Variants in PCOLCE observed in about 807,000 individuals in gnomAD.
PCOLCE encodes procollagen C-endopeptidase enhancer 1.
A neutral mutation model predicts 47.2 loss-of-function variants in PCOLCE; 33 were observed. The observed-to-expected ratio is 0.70, with a 90% CI of 0.53 to 0.93. The LOEUF is 0.93. Among genes scored for constraint, PCOLCE ranks in the 40% least tolerant of loss-of-function variants. PCOLCE has a pLI of 0.00. For missense variants in PCOLCE, 584 were observed against 585.3 expected (o/e 1.00, Z 0.02); for synonymous variants, 254 against 252.5 (o/e 1.01, Z -0.06).
chr7:100,603,863 G>A, intron 2 of PCOLCE, 96 bp from the exon 3 acceptor site: 2 of 1,445,380 alleles, frequency 1.4e-6, no homozygotes. Flanking sequence ...CATTCAGTCC[G>A]TTTCTGCAAG....
At position 100,604,645 on chromosome 7, in the gene PCOLCE, C is replaced by G. The variant is rs1802679067; in HGVS notation, c.463+428C>G. The G allele has an allele frequency of 3.1e-6, 1 of 325,048 alleles. No homozygotes were observed. Among genetic ancestry groups the G allele is most frequent in the African/African-American group, 2.2e-5 (1 of 45,272 alleles). The allele number at this position is 325,048 out of a possible 1,614,324, so 20.1% of individuals were successfully genotyped here. A position where few individuals can be genotyped will look rare whatever the true frequency, so the allele number is the denominator to read the frequency against. On this transcript the variant is annotated intron_variant, in intron 3 of 8. Transcript: ENST00000223061. This position sits in a 1 kb window ranked among gnomAD's most constrained non-coding sequence, Gnocchi z 6.4. Reference sequence around the variant, plus strand: ...GGGCTCCCGATTGCGGTCCCATCACCCCCTCCTGGCGGCAGAAGTCTCCCT... The same window carrying G: ...GGGCTCCCGATTGCGGTCCCATCACGCCCTCCTGGCGGCAGAAGTCTCCCT...
chr7:100,604,621 G>A lies in PCOLCE; in HGVS notation c.463+404G>A. 2 of 338,526 alleles carry A rather than the reference G, an allele frequency of 5.9e-6. No individual in the cohort carries two copies. Among genetic ancestry groups the A allele is most frequent in the South Asian group, 2.6e-5 (1 of 38,118 alleles). The allele number at this position is 338,526 out of a possible 1,614,324, so 21.0% of individuals were successfully genotyped here. The stretch of plus-strand genomic sequence containing the variant: ...CGGGGGGCCCCTACACCCAGCCCTG[G>A]GCTCCCGATTGCGGTCCCATCACCC... On this transcript the variant is annotated intron_variant, in intron 3 of 8. Coordinates refer to ENST00000223061, the MANE Select transcript of PCOLCE (RefSeq NM_002593.4). The surrounding 1 kb of genome is among the most constrained non-coding windows in gnomAD (Gnocchi z 6.4).
At chr7:100,607,303 G>A in intron 6 of PCOLCE, 149 bp from the exon 7 acceptor site, 1 of 661,516 alleles carries the variant, frequency 1.5e-6, no homozygotes. Flanking sequence ...GGTACTCACT[G>A]GTGCCTCCTT....
chr7:100,605,912 AC>A lies in PCOLCE; in HGVS notation c.725+104del. ...GTTCAGCTAAAGGGACGGGATCTGAACCCCAGGGCTCCAAACCGGCGAGGGG... is the reference window on the plus strand; with the variant it reads ...GTTCAGCTAAAGGGACGGGATCTGAACCCAGGGCTCCAAACCGGCGAGGGG... On this transcript the variant is annotated intron_variant, in intron 5 of 8. Coordinates refer to ENST00000223061, the MANE Select transcript of PCOLCE (RefSeq NM_002593.4). This position sits in a 1 kb window ranked among gnomAD's most constrained non-coding sequence, Gnocchi z 6.1. The A allele has an allele frequency of 1.5e-6, 2 of 1,326,626 alleles. No homozygotes were observed. Among genetic ancestry groups the A allele is most frequent in the Non-Finnish European group, 2.1e-6 (2 of 973,422 alleles). The allele number at this position is 1,326,626 out of a possible 1,614,324, so 82.2% of individuals were successfully genotyped here.
intron 5 of PCOLCE, 199 bp downstream of exon 5, chr7:100,606,011 G>A: frequency 1.6e-6 from 1 of 624,672 alleles, no homozygotes. Context: ...GGCGACTGGG[G>A]CTCTGCGAAG....
At chr7:100,606,864 G>A (rs1361902878) in intron 6 of PCOLCE, among the ~76,000 whole-genome samples, 1 of 152,172 alleles carries the variant, frequency 6.6e-6, no homozygotes, top group Non-Finnish European at 1.5e-5. Context: ...GCCAAGGCAG[G>A]CAGATCACCT....
At position 100,605,936 on chromosome 7, in the gene PCOLCE, G is replaced by A; in HGVS notation, c.725+124G>A. ...AACCCCAGGGCTCCAAACCGGCGAG[G>A]GGAGCAGGTTGGAGGCCAGGCAAAG... On this transcript the variant is annotated intron_variant, in intron 5 of 8. Transcript: ENST00000223061. This position sits in a 1 kb window ranked among gnomAD's most constrained non-coding sequence, Gnocchi z 6.1. The A allele has an allele frequency of 8.7e-7, 1 of 1,154,218 alleles. No individual in the cohort carries two copies. 71.5% of individuals were successfully genotyped at this position (1,154,218 alleles called of 1,614,324 possible). A position where few individuals can be genotyped will look rare whatever the true frequency, so the allele number is the denominator to read the frequency against.
At chr7:100,603,728 C>A in intron 2 of PCOLCE, 190 bp downstream of exon 2, 1 of 599,130 alleles carries the variant, frequency 1.7e-6, no homozygotes, top group Non-Finnish European at 3.0e-6. Context: ...TCCCTCAAAT[C>A]TTCATTCTCC....
chr7:100,605,198 A>G lies in PCOLCE; in HGVS notation c.571A>G (p.Ile191Val). 9 of 1,611,814 alleles carry G rather than the reference A, an allele frequency of 5.6e-6. No individual in the cohort carries two copies. Among genetic ancestry groups the G allele is most frequent in the Non-Finnish European group, 6.8e-6 (8 of 1,179,010 alleles). ...GGGCATCAGCTGTTCCTGGCACATCATCGCGCCCCCGGACCAGGTACCGAC... is the reference window on the plus strand; with the variant it reads ...GGGCATCAGCTGTTCCTGGCACATCGTCGCGCCCCCGGACCAGGTACCGAC... ...PPGISCSWHIIAPPDQVIALT... is the reference protein window; with the variant it reads ...PPGISCSWHIVAPPDQVIALT... The change falls in exon 4 of 9, where the codon ATC becomes GTC. Residue 191 changes from isoleucine (I) to valine (V), a missense_variant. By Grantham distance (29) the Ile-to-Val change is conservative (BLOSUM62 3). Coordinates refer to ENST00000223061, the MANE Select transcript of PCOLCE (RefSeq NM_002593.4). The surrounding 1 kb of genome is among the most constrained non-coding windows in gnomAD (Gnocchi z 6.1).
chr7:100,604,553 G>A lies in PCOLCE; in HGVS notation c.463+336G>A, dbSNP rs1040397230. On this transcript the variant is annotated intron_variant, in intron 3 of 8. Transcript: ENST00000223061. This position sits in a 1 kb window ranked among gnomAD's most constrained non-coding sequence, Gnocchi z 6.4. ...CAATCGGGCTCCCTCCGTCGGGCGC[G>A]AGGGGGCACCCCAGGGCTGGGGGGA... 2.3e-6 allele frequency: 1 copy of A among 440,280 alleles called. No individual in the cohort carries two copies. The highest frequency in any genetic ancestry group is 4.2e-6 in the Non-Finnish European group (1 of 236,560). 27.3% of individuals were successfully genotyped at this position (440,280 alleles called of 1,614,324 possible).
At chr7:100,606,882 G>C (rs1802726474) in intron 6 of PCOLCE, among the ~76,000 whole-genome samples, 1 of 152,168 alleles carries the variant, frequency 6.6e-6, no homozygotes, top group Non-Finnish European at 1.5e-5. Flanking sequence ...CCTGAGGTCA[G>C]GAGTTCAAGA....
rs759682787 is a variant in PCOLCE at position 100,605,108 on chromosome 7, G to C, written c.481G>C (p.Gly161Arg). Residue 161 changes from glycine (G) to arginine (R), a missense_variant, in exon 4 of 9, where the codon GGG becomes CGG. Gly to Arg is a moderately radical substitution (Grantham distance 125). Coordinates refer to ENST00000223061, the MANE Select transcript of PCOLCE (RefSeq NM_002593.4). This position sits in a 1 kb window ranked among gnomAD's most constrained non-coding sequence, Gnocchi z 6.1. ...CTCCCCAGAGCACCAATTTTGCGGG[G>C]GGCGGCTGGAGAAGGCCCAGGGAAC... ...TSGTEHQFCG[G>R]RLEKAQGTLT... is the part of the protein sequence containing the mutation. 2.5e-6 allele frequency: 4 copies of C among 1,612,202 alleles called. No homozygotes were observed. Among genetic ancestry groups the C allele is most frequent in the Non-Finnish European group, 2.5e-6 (3 of 1,179,328 alleles).
chr7:100,606,239 G>A, intron 5 of PCOLCE, 177 bp from the exon 6 acceptor site: 1 of 581,698 alleles, frequency 1.7e-6, no homozygotes, highest in East Asian at 2.8e-5. Context: ...TGAGGCAGGA[G>A]GATTACTTGA....
chr7:100,608,084 C>T lies in PCOLCE; in HGVS notation c.1331C>T (p.Ala444Val), dbSNP rs1327688526. ...KRKCPSQPVR[A>V]AASQD is the part of the protein sequence containing the mutation. ...AAGTGCCCCTCTCAACCTGTGCGGG[C>T]TGCTGCGTCCCAGGACTGAGACGCA... The change falls in exon 9 of 9, where the codon GCT (alanine) becomes GTT (valine). Residue 444 changes from alanine to valine, a missense_variant. Coordinates refer to ENST00000223061, the MANE Select transcript of PCOLCE (RefSeq NM_002593.4). The T allele has an allele frequency of 1.2e-6, 2 of 1,613,744 alleles. No individual in the cohort carries two copies. The highest frequency in any genetic ancestry group is 2.7e-5 in the African/African-American group (2 of 75,050).
chr7:100,605,958 A>G lies in PCOLCE; in HGVS notation c.725+146A>G. The stretch of plus-strand genomic sequence containing the variant: ...GAGGGGAGCAGGTTGGAGGCCAGGC[A>G]AAGAGGAGATTTGGCCCCGGGTCTG... On this transcript the variant is annotated intron_variant, in intron 5 of 8. Transcript: ENST00000223061. The surrounding 1 kb of genome is among the most constrained non-coding windows in gnomAD (Gnocchi z 6.1). The G allele has an allele frequency of 3.2e-6, 3 of 946,048 alleles. No individual in the cohort carries two copies. Among genetic ancestry groups the G allele is most frequent in the Non-Finnish European group, 4.6e-6 (3 of 649,258 alleles). The allele number at this position is 946,048 out of a possible 1,614,324, so 58.6% of individuals were successfully genotyped here. A position where few individuals can be genotyped will look rare whatever the true frequency, so the allele number is the denominator to read the frequency against.
chr7:100,605,242 C>T lies in PCOLCE; in HGVS notation c.588+27C>T, dbSNP rs772365566. 1 of 1,593,556 alleles carries T rather than the reference C, an allele frequency of 6.3e-7. No individual in the cohort carries two copies. The highest frequency in any genetic ancestry group is 8.6e-7 in the Non-Finnish European group (1 of 1,165,766). ...TACCGACCCTCCTCCCCGGGCTGCC[C>T]TAGGGGACCCAGGCGGCGCCCTCCA... On this transcript the variant is annotated intron_variant, in intron 4 of 8. Coordinates refer to ENST00000223061, the MANE Select transcript of PCOLCE (RefSeq NM_002593.4). This position sits in a 1 kb window ranked among gnomAD's most constrained non-coding sequence, Gnocchi z 6.1.
chr7:100,605,168 C>T lies in PCOLCE; in HGVS notation c.541C>T (p.Pro181Ser). Residue 181 changes from proline (P) to serine (S), a missense_variant, in exon 4 of 9, where the codon CCC (proline) becomes TCC (serine). Physicochemically the swap from Pro to Ser is moderately conservative, Grantham distance 74 (BLOSUM62 -1). Transcript: ENST00000223061. The surrounding 1 kb of genome is among the most constrained non-coding windows in gnomAD (Gnocchi z 6.1). ...GCCCAACTGGCCCGAGTCCGATTAC[C>T]CCCCGGGCATCAGCTGTTCCTGGCA... Reference protein sequence around the residue: ...TTPNWPESDYPPGISCSWHII... With the variant: ...TTPNWPESDYSPGISCSWHII... 3 of 1,612,958 alleles carry T rather than the reference C, an allele frequency of 1.9e-6. No homozygotes were observed. The highest frequency in any genetic ancestry group is 1.1e-5 in the South Asian group (1 of 91,036).
At chr7:100,607,868 T>C (rs560522112) in intron 8 of PCOLCE, 61 bp downstream of exon 8, 1 of 1,611,266 alleles carries the variant, frequency 6.2e-7, no homozygotes, top group African/African-American at 1.3e-5. Flanking sequence ...ATGATCAAGG[T>C]GTGGAATCTT....
Position 100,604,299 on chromosome 7 carries a change from C to T in PCOLCE, c.463+82C>T, listed in dbSNP as rs1244146067. Reference sequence around the variant, plus strand: ...CCCGCCCCCAGCCCTAACCTCCGCCCCGCCCACCCCGCGCCCCAGTGCCTA... The same window carrying T: ...CCCGCCCCCAGCCCTAACCTCCGCCTCGCCCACCCCGCGCCCCAGTGCCTA... On this transcript the variant is annotated intron_variant, in intron 3 of 8. Coordinates refer to ENST00000223061, the MANE Select transcript of PCOLCE (RefSeq NM_002593.4). The surrounding 1 kb of genome is among the most constrained non-coding windows in gnomAD (Gnocchi z 6.4). 23 of 1,289,860 alleles carry T rather than the reference C, an allele frequency of 1.8e-5. No homozygotes were observed. Among genetic ancestry groups the T allele is most frequent in the Non-Finnish European group, 2.4e-5 (23 of 943,462 alleles). The allele number at this position is 1,289,860 out of a possible 1,614,324, so 79.9% of individuals were successfully genotyped here.
Sources: allele counts gnomAD v4.1 joint callset (sites outside exome capture counted in the v4.1 genomes callset), GRCh38; gene constraint gnomAD v4.1.1; non-coding constraint Gnocchi (gnomAD v3.1); transcripts MANE v1.5; gene names NCBI Gene and HGNC (gene_info 2026-07-23, HGNC 2026-07-21).